KCNH5: variants seen among roughly 807,000 people sequenced by gnomAD.
KCNH5 encodes the protein potassium voltage-gated channel subfamily H member 5.
In KCNH5, 46 loss-of-function variants were observed where a neutral mutation model predicts 96.1. The observed-to-expected ratio is 0.48, with a 90% confidence interval of 0.38 to 0.61. The LOEUF (loss-of-function observed/expected upper bound fraction) is 0.61, where lower values mean the gene tolerates loss of function less well. KCNH5 is among the 20% of genes least tolerant of loss of function. The pLI is 0.00. For missense variants in KCNH5, 907 were observed against 1,225.8 expected (o/e 0.74, Z 3.88); for synonymous variants, 439 against 449.8 (o/e 0.98, Z 0.30).
chr14:62,932,235 A>G (rs1317468674), intron 7 of KCNH5, among the ~76,000 whole-genome samples: 1 of 152,158 alleles, frequency 6.6e-6, no homozygotes, highest in South Asian at 2.1e-4. Flanking sequence ...CTATGTGGGG[A>G]TAAGAAAACT....
chr14:62,709,232 C>CAAAAAAAAAA (rs67304113), intron 10 of KCNH5, among the ~76,000 whole-genome samples: 869 of 71,522 alleles, frequency 0.012, 47 homozygotes, highest in African/African-American at 0.015. Context: ...GACTCCTTCT[C>CAAAAAAAAAA]AAAAAAAAAA....
chr14:62,773,660 T>C (rs117795771), intron 10 of KCNH5, among the ~76,000 whole-genome samples: 4,785 of 152,270 alleles, frequency 0.031, 141 homozygotes, highest in South Asian at 0.081. Flanking sequence ...ATTTAAATAG[T>C]CAATCTGGAG....
At chr14:62,996,901 G>A (rs1890915222) in intron 4 of KCNH5, among the ~76,000 whole-genome samples, 1 of 152,188 alleles carries the variant, frequency 6.6e-6, no homozygotes, top group Non-Finnish European at 1.5e-5. Context: ...AAAAGACTAT[G>A]ATCAAAGCTT....
At chr14:62,890,013 A>G (rs953165535) in intron 7 of KCNH5, among the ~76,000 whole-genome samples, 1 of 152,216 alleles carries the variant, frequency 6.6e-6, no homozygotes, top group Non-Finnish European at 1.5e-5. Context: ...TGGTGCTGGG[A>G]GAACTGGCTA....
intron 7 of KCNH5, among the ~76,000 whole-genome samples, chr14:62,907,910 G>T (rs755159434): frequency 6.6e-6 from 1 of 152,112 alleles, no homozygotes; most frequent in Non-Finnish European, 1.5e-5. Context: ...AGTCACATGA[G>T]GGCATTGTGC....
At chr14:62,997,973 T>C (rs1890940839) in intron 4 of KCNH5, among the ~76,000 whole-genome samples, 1 of 151,358 alleles carries the variant, frequency 6.6e-6, no homozygotes, top group Non-Finnish European at 1.5e-5. Flanking sequence ...CTTTTTCTGG[T>C]TTTGCTATAT....
At chr14:62,789,098 C>T (rs1473432750) in intron 9 of KCNH5, among the ~76,000 whole-genome samples, 1 of 152,056 alleles carries the variant, frequency 6.6e-6, no homozygotes, top group Admixed American at 6.6e-5. Flanking sequence ...CACCCTACTC[C>T]ACATCCCCAC....
intron 10 of KCNH5, among the ~76,000 whole-genome samples, chr14:62,768,147 A>G (rs537816272): frequency 6.6e-6 from 1 of 152,262 alleles, no homozygotes; most frequent in African/African-American, 2.4e-5. Flanking sequence ...AAAAACCCAG[A>G]CTTTACCACT....
intron 10 of KCNH5, among the ~76,000 whole-genome samples, chr14:62,764,122 C>T (rs1477732139): frequency 2.0e-5 from 3 of 152,074 alleles, no homozygotes; most frequent in Non-Finnish European, 4.4e-5. Flanking sequence ...TGCAATAATC[C>T]TCAACAAAAT....
intron 9 of KCNH5, among the ~76,000 whole-genome samples, chr14:62,790,244 C>A: frequency 6.6e-6 from 1 of 151,766 alleles, no homozygotes; most frequent in Non-Finnish European, 1.5e-5. Flanking sequence ...GCTCTCTGTT[C>A]TGTTCTACTG....
At chr14:62,998,148 T>G (rs1004131654) in intron 4 of KCNH5, among the ~76,000 whole-genome samples, 3 of 152,146 alleles carry the variant, frequency 2.0e-5, no homozygotes, top group Admixed American at 2.0e-4. Flanking sequence ...TAATTATTGT[T>G]AATTTTTTAA....
chr14:62,988,453 A>T (rs896929385), intron 4 of KCNH5, among the ~76,000 whole-genome samples: 1 of 152,112 alleles, frequency 6.6e-6, no homozygotes, highest in Non-Finnish European at 1.5e-5. Context: ...TGCAGGTGAC[A>T]TCATTCTTTA....
chr14:62,719,203 A>G (rs1884752647), intron 10 of KCNH5, among the ~76,000 whole-genome samples: 1 of 152,236 alleles, frequency 6.6e-6, no homozygotes, highest in Non-Finnish European at 1.5e-5. Context: ...AATTGTATGG[A>G]ATGGGAACTA....
At chr14:62,904,933 C>T (rs1039720778) in intron 7 of KCNH5, among the ~76,000 whole-genome samples, 2 of 152,186 alleles carry the variant, frequency 1.3e-5, no homozygotes, top group African/African-American at 4.8e-5. Context: ...ATGGAACTAA[C>T]CTCGGAGATT....
Position 62,849,943 on chromosome 14 carries a change from C to A in KCNH5, c.1370-91G>T, listed in dbSNP as rs1887771847. The A allele has an allele frequency of 3.8e-6, 4 of 1,059,888 alleles. No homozygotes were observed. In the East Asian group the frequency reaches 1.0e-4, roughly 27 times the overall value. 65.7% of individuals were successfully genotyped at this position (1,059,888 alleles called of 1,614,324 possible). On this transcript the variant is annotated intron_variant, in intron 7 of 10. Transcript: ENST00000322893. ...AAATCAATGAATAATTTGACAGAGA[C>A]ATCCTTATAAACTTGCAGGGGTAAA...
intron 10 of KCNH5, among the ~76,000 whole-genome samples, chr14:62,733,226 C>A (rs1452430951): frequency 1.3e-5 from 2 of 152,028 alleles, no homozygotes; most frequent in East Asian, 3.9e-4. Flanking sequence ...GTCCTCTTCC[C>A]CCCAAATTCA....
intron 8 of KCNH5, among the ~76,000 whole-genome samples, chr14:62,807,310 TTCTG>T: frequency 6.6e-6 from 1 of 152,118 alleles, no homozygotes; most frequent in Non-Finnish European, 1.5e-5. Flanking sequence ...TCTAGTAACC[TTCTG>T]TCTTTCTGTG....
intron 7 of KCNH5, among the ~76,000 whole-genome samples, chr14:62,924,225 A>G (rs1889431218): frequency 6.6e-6 from 1 of 152,048 alleles, no homozygotes; most frequent in Non-Finnish European, 1.5e-5. Context: ...GAAGGTACTC[A>G]ACATCATTAG....
intron 1 of KCNH5, among the ~76,000 whole-genome samples, chr14:63,037,530 A>AT (rs1338208194): frequency 6.6e-6 from 1 of 152,134 alleles, no homozygotes; most frequent in Non-Finnish European, 1.5e-5. Context: ...GAACTCCTCT[A>AT]TTTTTTCAAT....
Sources: gnomAD v4.1 joint callset for allele counts (sites outside exome capture counted in the v4.1 genomes callset) on GRCh38, gnomAD v4.1.1 for gene constraint, MANE v1.5 for transcripts, NCBI Gene and HGNC (gene_info 2026-07-23, HGNC 2026-07-21) for gene names.